The following PTPRM variants were observed in gnomAD, a reference collection of about 807,000 sequenced individuals.
PTPRM encodes receptor-type tyrosine-protein phosphatase mu.
In PTPRM, 47 loss-of-function variants were observed where a neutral mutation model predicts 186.7. That is an observed-to-expected ratio of 0.25 (90% CI 0.20 to 0.32). The LOEUF (loss-of-function observed/expected upper bound fraction) is 0.32. PTPRM is among the 10% of genes least tolerant of loss of function. The pLI is 1.00. For missense variants in PTPRM, 1,494 were observed against 1,865.0 expected (o/e 0.80, Z 3.66); for synonymous variants, 668 against 674.9 (o/e 0.99, Z 0.16).
chr18:8,181,470 T>C (rs1194784547), intron 14 of PTPRM, among the ~76,000 whole-genome samples: 1 of 152,158 alleles, frequency 6.6e-6, no homozygotes, highest in African/African-American at 2.4e-5. Context: ...GAAGCCTGTG[T>C]TCCTCTGGAA....
chr18:8,093,065 G>A (rs2090833123), intron 11 of PTPRM, among the ~76,000 whole-genome samples: 1 of 151,772 alleles, frequency 6.6e-6, no homozygotes, highest in African/African-American at 2.4e-5. Flanking sequence ...AGAAATTATG[G>A]TTGTTGGCAT....
At chr18:7,914,612 TAAC>T (rs1024054875) in intron 4 of PTPRM, among the ~76,000 whole-genome samples, 1 of 138,686 alleles carries the variant, frequency 7.2e-6, no homozygotes, top group African/African-American at 2.8e-5. Flanking sequence ...TAATTAATGT[TAAC>T]TATTATTATT....
rs1396753019 is a variant in PTPRM at position 7,757,767 on chromosome 18, G to T, written c.74-16382G>T. 2.6e-5 allele frequency among the ~76,000 whole-genome samples: 4 copies of T among 152,284 alleles called. No individual in the cohort carries two copies. The East Asian group carries it at 7.7e-4, about 29-fold the overall frequency. On this transcript the variant is annotated intron_variant, in intron 1 of 32. Coordinates refer to ENST00000580170, the MANE Select transcript of PTPRM (RefSeq NM_001105244.2). ...GCAGGAGCTTATTGGGATGGTAGGT[G>T]AGAAGTGTCTCCAGGTAATGTCCAG...
chr18:7,803,972 G>A (rs944196856), intron 2 of PTPRM, among the ~76,000 whole-genome samples: 1 of 152,188 alleles, frequency 6.6e-6, no homozygotes, highest in Admixed American at 6.5e-5. Flanking sequence ...ATTACAGGCT[G>A]TTCAAGATAT....
In PTPRM at chr18:7,567,912, C is replaced by T; in HGVS notation, c.73+21C>T. The T allele has an allele frequency of 6.5e-7, 1 of 1,540,324 alleles. No individual in the cohort carries two copies. Among genetic ancestry groups the T allele is most frequent in the Middle Eastern group, 1.7e-4 (1 of 5,770 alleles). ...CTCAGGTAAGCGGGACCGCCTCTGC[C>T]GCCCCCGAGGCGCGCGGGCCGGCGC... On this transcript the variant is annotated intron_variant, in intron 1 of 32. Transcript: ENST00000580170. This position sits in a 1 kb window ranked among gnomAD's most constrained non-coding sequence, Gnocchi z 4.3.
chr18:7,724,745 G>T (rs2040512265), intron 1 of PTPRM, among the ~76,000 whole-genome samples: 2 of 152,282 alleles, frequency 1.3e-5, no homozygotes, highest in African/African-American at 4.8e-5. Flanking sequence ...TTAAAGATTT[G>T]GTGGCTGTTC....
At chr18:7,822,926 G>A (rs2045279505) in intron 2 of PTPRM, among the ~76,000 whole-genome samples, 1 of 152,080 alleles carries the variant, frequency 6.6e-6, no homozygotes, top group Non-Finnish European at 1.5e-5. Context: ...GGGAACATTT[G>A]TTGTATAGTC....
rs532487746 is a variant in PTPRM, at chr18:8,373,056, G to A, written c.3171+2050G>A. On this transcript the variant is annotated intron_variant, in intron 24 of 32. Transcript: ENST00000580170. Reference sequence around the variant, plus strand: ...ACAACCAGTGAAGAGGTGGTGGAGGGAAGAGAAGGAATAAGGAGCTTGTTA... The same window carrying A: ...ACAACCAGTGAAGAGGTGGTGGAGGAAAGAGAAGGAATAAGGAGCTTGTTA... Among the ~76,000 whole-genome samples, 69 of 152,318 alleles carry A rather than the reference G, an allele frequency of 4.5e-4. 1 individual carries two copies. The Middle Eastern group carries it at 0.01, about 23-fold the overall frequency.
chr18:7,894,117 G>A (rs761878174), intron 3 of PTPRM, among the ~76,000 whole-genome samples: 19 of 152,138 alleles, frequency 1.2e-4, no homozygotes, highest in Non-Finnish European at 2.2e-4. Context: ...GCCAGCACAC[G>A]TGTACCGAGG....
intron 2 of PTPRM, among the ~76,000 whole-genome samples, chr18:7,827,233 C>T (rs774841626): frequency 6.6e-6 from 1 of 152,114 alleles, no homozygotes; most frequent in Non-Finnish European, 1.5e-5. Context: ...TTACTGTGTC[C>T]CTCATCTTAA....
At chr18:7,877,500 A>G (rs1322349716) in intron 2 of PTPRM, among the ~76,000 whole-genome samples, 1 of 152,212 alleles carries the variant, frequency 6.6e-6, no homozygotes, top group African/African-American at 2.4e-5. Flanking sequence ...ATACATTTGG[A>G]TAAAAACTGG....
At chr18:8,132,881 A>G (rs1318942998) in intron 13 of PTPRM, among the ~76,000 whole-genome samples, 1 of 152,182 alleles carries the variant, frequency 6.6e-6, no homozygotes, top group East Asian at 1.9e-4. Context: ...AAGTTTGGCC[A>G]GCAAATTTTC....
intron 19 of PTPRM, among the ~76,000 whole-genome samples, chr18:8,285,774 T>G (rs1233281644): frequency 6.6e-6 from 1 of 152,184 alleles, no homozygotes; most frequent in Non-Finnish European, 1.5e-5. Context: ...GGCAGCTCCC[T>G]TGAGCCCAGG....
At chr18:8,393,025 C>A (rs1338224843) in intron 31 of PTPRM, among the ~76,000 whole-genome samples, 6 of 152,170 alleles carry the variant, frequency 3.9e-5, no homozygotes, top group African/African-American at 1.4e-4. Context: ...TTGTTGCAGA[C>A]AAGATCCACC....
At chr18:8,372,643 G>A (rs55837035) in intron 24 of PTPRM, among the ~76,000 whole-genome samples, 5,195 of 151,674 alleles carry the variant, frequency 0.034, 117 homozygotes, top group African/African-American at 0.063. Flanking sequence ...CAAAGAATGA[G>A]GAGTTCTGGT....
chr18:7,768,032 T>C (rs759412268), intron 1 of PTPRM, among the ~76,000 whole-genome samples: 1 of 152,228 alleles, frequency 6.6e-6, no homozygotes, highest in Non-Finnish European at 1.5e-5. Flanking sequence ...AAAGGCTTTA[T>C]TGGGTGTTTA....
intron 14 of PTPRM, among the ~76,000 whole-genome samples, chr18:8,228,070 G>A (rs1201489271): frequency 6.6e-6 from 1 of 152,216 alleles, no homozygotes; most frequent in Non-Finnish European, 1.5e-5. Flanking sequence ...GGTTGGTTTG[G>A]GGAATGGCGT....
At chr18:8,270,964 A>G (rs2094764830) in intron 19 of PTPRM, among the ~76,000 whole-genome samples, 1 of 152,142 alleles carries the variant, frequency 6.6e-6, no homozygotes, top group Admixed American at 6.5e-5. Context: ...TACTTATTAC[A>G]TACTTGAAAT....
intron 1 of PTPRM, among the ~76,000 whole-genome samples, chr18:7,571,827 G>T (rs1044440538): frequency 6.6e-6 from 1 of 152,180 alleles, no homozygotes; most frequent in Non-Finnish European, 1.5e-5. Context: ...GGGAAGCTGG[G>T]TGAAGGGTGT....
Sources: gnomAD v4.1 joint callset for allele counts (sites outside exome capture counted in the v4.1 genomes callset) on GRCh38, gnomAD v4.1.1 for gene constraint, Gnocchi (gnomAD v3.1) non-coding constraint, MANE v1.5 for transcripts, NCBI Gene and HGNC (gene_info 2026-07-23, HGNC 2026-07-21) for gene names.